The following MINDY3 variants were observed in gnomAD, a reference collection of about 807,000 sequenced individuals.
MINDY3 encodes MINDY lysine 48 deubiquitinase 3, also known as ubiquitin carboxyl-terminal hydrolase MINDY-3.
In MINDY3, 38 loss-of-function variants were observed where a neutral mutation model predicts 69.2. The observed-to-expected ratio is 0.55, with a 90% CI of 0.42 to 0.72. MINDY3 has a LOEUF of 0.72. Among genes scored for constraint, MINDY3 ranks in the 30% least tolerant of loss-of-function variants. The probability of loss-of-function intolerance (pLI) is 0.00; values close to 1 mark genes in which losing one functional copy is unlikely to be tolerated. For synonymous variants in MINDY3, 192 were observed against 180.1 expected (o/e 1.07, Z -0.53); for missense variants, 522 against 519.0 (o/e 1.01, Z -0.06).
At chr10:15,789,778 C>T (rs1040256079) in intron 11 of MINDY3, among the ~76,000 whole-genome samples, 3 of 152,156 alleles carry the variant, frequency 2.0e-5, no homozygotes, top group East Asian at 3.9e-4. Flanking sequence ...GATACTTAGA[C>T]AACTGACAGA....
chr10:15,860,368 C>G lies in MINDY3; in HGVS notation c.-69G>C. On this transcript the variant is annotated 5_prime_UTR_variant, in exon 1 of 15. Transcript: ENST00000277632. ...CCCGGAACATGGGGAAGGGGCAACTCCGGAAACAGCAGCTGCGGGACGGCG... is the reference window on the plus strand; with the variant it reads ...CCCGGAACATGGGGAAGGGGCAACTGCGGAAACAGCAGCTGCGGGACGGCG... 8.8e-7 allele frequency: 1 copy of G among 1,135,936 alleles called. No homozygotes were observed. Among genetic ancestry groups the G allele is most frequent in the Non-Finnish European group, 1.3e-6 (1 of 770,094 alleles). 70.4% of individuals were successfully genotyped at this position (1,135,936 alleles called of 1,614,324 possible).
chr10:15,837,732 G>C lies in MINDY3; in HGVS notation c.462-414C>G, dbSNP rs992496496. On this transcript the variant is annotated intron_variant, in intron 5 of 14. Coordinates refer to ENST00000277632, the MANE Select transcript of MINDY3 (RefSeq NM_024948.4). ...GCCAAAGATAACTTACACATTTGCG[G>C]CTTCTTTTAAAAGAAATTAATGTTA... 2.9e-6 allele frequency: 3 copies of C among 1,049,046 alleles called. No individual in the cohort carries two copies. The African/African-American group carries it at 5.2e-5, about 18-fold the overall frequency. 65.0% of individuals were successfully genotyped at this position (1,049,046 alleles called of 1,614,324 possible). A position where few individuals can be genotyped will look rare whatever the true frequency, so the allele number is the denominator to read the frequency against.
intron 6 of MINDY3, among the ~76,000 whole-genome samples, chr10:15,836,280 C>G (rs1833076921): frequency 6.6e-6 from 1 of 152,022 alleles, no homozygotes; most frequent in Non-Finnish European, 1.5e-5. Context: ...AACTTGCCCT[C>G]ATGCATCAAG....
At chr10:15,857,646 G>A (rs1014939587) in intron 1 of MINDY3, among the ~76,000 whole-genome samples, 1 of 151,898 alleles carries the variant, frequency 6.6e-6, no homozygotes, top group African/African-American at 2.4e-5. Context: ...TAAATTACAT[G>A]GCTTATTGCC....
intron 10 of MINDY3, among the ~76,000 whole-genome samples, chr10:15,805,031 T>G (rs144761297): frequency 1.3e-5 from 2 of 152,130 alleles, no homozygotes; most frequent in South Asian, 4.1e-4. Flanking sequence ...AGACTCTAAA[T>G]GCACAAGTGG....
At chr10:15,834,666 T>A (rs1302558236) in intron 6 of MINDY3, 50 bp from the exon 7 acceptor site, 1 of 1,308,350 alleles carries the variant, frequency 7.6e-7, no homozygotes, top group East Asian at 2.3e-5. Context: ...AAATGAAAAT[T>A]ATGACTGTTT....
intron 10 of MINDY3, among the ~76,000 whole-genome samples, chr10:15,802,372 G>T (rs897212097): frequency 2.0e-5 from 3 of 152,120 alleles, no homozygotes; most frequent in Non-Finnish European, 2.9e-5. Flanking sequence ...TTATAATCAT[G>T]CCAGACAGCG....
At chr10:15,795,999 T>A in intron 11 of MINDY3, 101 bp downstream of exon 11, 1 of 905,320 alleles carries the variant, frequency 1.1e-6, no homozygotes, top group African/African-American at 1.7e-5. Context: ...TTACATTTCA[T>A]TAAATAATCC....
rs1458498227 is a variant in MINDY3, at chr10:15,779,049, G to A, written c.1281C>T (p.Thr427=). 1 of 1,613,444 alleles carries A rather than the reference G, an allele frequency of 6.2e-7. No homozygotes were observed. Among genetic ancestry groups the A allele is most frequent in the South Asian group, 1.1e-5 (1 of 91,074 alleles). ...DDTPIKRCLQ[T]KWPYIELLWT... The stretch of plus-strand genomic sequence containing the variant: ...AGAGTAACTCAATGTATGGCCATTT[G>A]GTTTGCAGACAGCGTTTAATAGGAG... Residue 427 remains threonine (T), a synonymous_variant, in exon 15 of 15, where the codon ACC becomes ACT. Transcript: ENST00000277632.
chr10:15,856,530 A>G (rs944182032), intron 1 of MINDY3, among the ~76,000 whole-genome samples: 1 of 152,150 alleles, frequency 6.6e-6, no homozygotes, highest in African/African-American at 2.4e-5. Context: ...AATTGGAAGA[A>G]GGAAAAATGG....
In MINDY3 at chr10:15,778,679, T is replaced by A. The variant is rs1476069986; in HGVS notation, c.*313A>T. On this transcript the variant is annotated 3_prime_UTR_variant, in exon 15 of 15. Transcript: ENST00000277632. Reference sequence around the variant, plus strand: ...TCAATAGTAACTGTGATACTTAATATACAAATGCTGTAGTATTGCGTTTGT... The same window carrying A: ...TCAATAGTAACTGTGATACTTAATAAACAAATGCTGTAGTATTGCGTTTGT... 1 of 205,584 alleles carries A rather than the reference T, an allele frequency of 4.9e-6. No individual in the cohort carries two copies. The highest frequency in any genetic ancestry group is 2.3e-5 in the African/African-American group (1 of 43,248). The allele number at this position is 205,584 out of a possible 1,614,324, so 12.7% of individuals were successfully genotyped here. A position where few individuals can be genotyped will look rare whatever the true frequency, so the allele number is the denominator to read the frequency against.
At chr10:15,812,293 T>C (rs1304628596) in intron 10 of MINDY3, among the ~76,000 whole-genome samples, 2 of 152,212 alleles carry the variant, frequency 1.3e-5, no homozygotes, top group Admixed American at 6.5e-5. Context: ...TGGGAAATAG[T>C]ATAATTATCC....
intron 10 of MINDY3, among the ~76,000 whole-genome samples, chr10:15,816,279 A>G (rs921790805): frequency 7.1e-6 from 1 of 140,330 alleles, no homozygotes; most frequent in South Asian, 2.1e-4. Flanking sequence ...AAAAAAAAAA[A>G]ATGAAAAAGA....
chr10:15,803,639 T>C (rs144772521), intron 10 of MINDY3, among the ~76,000 whole-genome samples: 95 of 152,252 alleles, frequency 6.2e-4, no homozygotes, highest in African/African-American at 2.1e-3. Context: ...AACCATAATT[T>C]CTTAAACATT....
chr10:15,839,692 A>G lies in MINDY3; in HGVS notation c.410-1413T>C, dbSNP rs578016239. On this transcript the variant is annotated intron_variant, in intron 4 of 14. Transcript: ENST00000277632. The stretch of plus-strand genomic sequence containing the variant: ...GGGAATAAAGGAAAGAACAGGTAAA[A>G]TAGATTGTTACACGGAATAAAAATT... Among the ~76,000 whole-genome samples the G allele has an allele frequency of 1.1e-4, 16 of 151,800 alleles. No homozygotes were observed. In the South Asian group the frequency reaches 3.3e-3, roughly 31 times the overall value.
chr10:15,851,544 C>T (rs1396429633), intron 1 of MINDY3, among the ~76,000 whole-genome samples: 1 of 151,952 alleles, frequency 6.6e-6, no homozygotes, highest in East Asian at 1.9e-4. Context: ...CTCAAACTTA[C>T]CTATAGGTTT....
Position 15,794,616 on chromosome 10 carries a change from C to T in MINDY3, c.955+1484G>A, listed in dbSNP as rs377055467. On this transcript the variant is annotated intron_variant, in intron 11 of 14. Transcript: ENST00000277632. ...GTCTAAAAGAAATACAACAAATTTTCATATGCATCTCTCACAACTCAATTC... is the reference window on the plus strand; with the variant it reads ...GTCTAAAAGAAATACAACAAATTTTTATATGCATCTCTCACAACTCAATTC... Among the ~76,000 whole-genome samples the T allele has an allele frequency of 4.5e-4, 69 of 152,176 alleles. No individual in the cohort carries two copies. In the East Asian group the frequency reaches 5.4e-3, roughly 12 times the overall value.
chr10:15,847,931 C>T lies in MINDY3; in HGVS notation c.107G>A (p.Ser36Asn). ...FCRWTQGFVF[S>N]ESEGSALEQF... ...TTCTAATGCAGATCCCTCTGATTCA[C>T]TAAACACAAACCCTAAAAATGAAAG... Residue 36 changes from serine to asparagine, a missense_variant, in exon 2 of 15, where the codon AGT becomes AAT. Ser to Asn is a conservative substitution (Grantham distance 46). Transcript: ENST00000277632. 1.9e-6 allele frequency: 3 copies of T among 1,613,764 alleles called. No individual in the cohort carries two copies. The highest frequency in any genetic ancestry group is 2.5e-6 in the Non-Finnish European group (3 of 1,179,758).
At chr10:15,852,801 G>A (rs115373370) in intron 1 of MINDY3, among the ~76,000 whole-genome samples, 2,965 of 152,142 alleles carry the variant, frequency 0.019, 72 homozygotes, top group African/African-American at 0.064. Flanking sequence ...TAGGTTTGGC[G>A]ACCACAGATT....
Sources: gnomAD v4.1 joint callset for allele counts (sites outside exome capture counted in the v4.1 genomes callset) on GRCh38, gnomAD v4.1.1 for gene constraint, MANE v1.5 for transcripts, NCBI Gene and HGNC (gene_info 2026-07-23, HGNC 2026-07-21) for gene names.